CHMP6: variants seen among roughly 807,000 people sequenced by gnomAD.
The protein encoded by CHMP6 is chromatin-modifying protein 6.
Under a neutral mutation model 32.8 loss-of-function variants are expected in CHMP6, and 10 were observed. That is an observed-to-expected ratio of 0.30 (90% confidence interval 0.19 to 0.52). The LOEUF (loss-of-function observed/expected upper bound fraction) is 0.52, where lower values mean the gene tolerates loss of function less well. Among genes scored for constraint, CHMP6 ranks in the 20% least tolerant of loss-of-function variants. CHMP6 has a pLI of 0.97. For missense variants in CHMP6, 269 were observed against 263.8 expected (o/e 1.02, Z -0.14); for synonymous variants, 123 against 105.8 (o/e 1.16, Z -1.00).
intron 1 of CHMP6, among the ~76,000 whole-genome samples, chr17:80,992,363 G>C (rs922596871): frequency 6.7e-6 from 1 of 149,482 alleles, no homozygotes; most frequent in Admixed American, 6.7e-5. Flanking sequence ...GCCCGCGGGA[G>C]CAGGTCCCGG....
chr17:80,992,818 T>C lies in CHMP6; in HGVS notation c.63+837T>C, dbSNP rs2069604585. The stretch of plus-strand genomic sequence containing the variant: ...ACGTGTCACGAAAGAGACCCCGAAA[T>C]GAAAGCAGGGCTAGCTTTTTCGGAT... On this transcript the variant is annotated intron_variant, in intron 1 of 7. Coordinates refer to ENST00000325167, the MANE Select transcript of CHMP6 (RefSeq NM_024591.5). Among the ~76,000 whole-genome samples, 4 of 152,250 alleles carry C rather than the reference T, an allele frequency of 2.6e-5. No homozygotes were observed. In the South Asian group the frequency reaches 8.3e-4, roughly 31 times the overall value.
At chr17:80,995,595 C>T (rs2069630518) in intron 3 of CHMP6, 77 bp from the exon 4 acceptor site, 1 of 1,325,512 alleles carries the variant, frequency 7.5e-7, no homozygotes, top group South Asian at 1.2e-5. Context: ...AGGGTGTCAT[C>T]CTGAACCCTG....
chr17:80,995,818 G>C (rs555735085), intron 4 of CHMP6, 60 bp downstream of exon 4: 2 of 1,491,702 alleles, frequency 1.3e-6, no homozygotes, highest in East Asian at 4.5e-5. Flanking sequence ...CTGGAGCTGG[G>C]GATAGGGCGG....
chr17:80,994,550 C>G, intron 1 of CHMP6, 31 bp from the exon 2 acceptor site: 1 of 1,523,834 alleles, frequency 6.6e-7, no homozygotes, highest in Non-Finnish European at 8.8e-7. Flanking sequence ...AGTGTGGGCT[C>G]GGTGACGCCA....
chr17:80,994,025 G>A (rs1247447736), intron 1 of CHMP6, among the ~76,000 whole-genome samples: 2 of 152,082 alleles, frequency 1.3e-5, no homozygotes, highest in Non-Finnish European at 2.9e-5. Context: ...CTGTTCTCCT[G>A]CCTCAGCCTC....
chr17:80,996,003 GA>G (rs1356310646), intron 4 of CHMP6, among the ~76,000 whole-genome samples: 1 of 152,114 alleles, frequency 6.6e-6, no homozygotes, highest in Non-Finnish European at 1.5e-5. Flanking sequence ...TGAGGGTGGG[GA>G]GGGGGCTGGC....
In CHMP6 at chr17:80,991,885, C is replaced by T; in HGVS notation, c.-34C>T. ...CCGCGGGGCGGCGGTGGCGATTGGA[C>T]TTGGTGGGTCCCGGGCCAGGGGCGG... On this transcript the variant is annotated 5_prime_UTR_variant, in exon 1 of 8. Coordinates refer to ENST00000325167, the MANE Select transcript of CHMP6 (RefSeq NM_024591.5). 4 of 1,400,428 alleles carry T rather than the reference C, an allele frequency of 2.9e-6. No homozygotes were observed. Among genetic ancestry groups the T allele is most frequent in the South Asian group, 1.5e-5 (1 of 67,848 alleles). The allele number at this position is 1,400,428 out of a possible 1,614,324, so 86.8% of individuals were successfully genotyped here. A position where few individuals can be genotyped will look rare whatever the true frequency, so the allele number is the denominator to read the frequency against.
rs898749135 is a variant in CHMP6, at chr17:80,992,037, G to A, written c.63+56G>A. The stretch of plus-strand genomic sequence containing the variant: ...GGCCGGGACAGGCGACGGGGCCGGG[G>A]CGGGCGGCGGGGCCGGAAGAGCCCC... On this transcript the variant is annotated intron_variant, in intron 1 of 7. Transcript: ENST00000325167. 8 of 1,237,770 alleles carry A rather than the reference G, an allele frequency of 6.5e-6. No homozygotes were observed. In the Admixed American group the frequency reaches 3.2e-4, roughly 49 times the overall value. The allele number at this position is 1,237,770 out of a possible 1,614,324, so 76.7% of individuals were successfully genotyped here. A position where few individuals can be genotyped will look rare whatever the true frequency, so the allele number is the denominator to read the frequency against.
chr17:80,997,485 C>T (rs895598198), intron 6 of CHMP6, 144 bp downstream of exon 6: 10 of 469,618 alleles, frequency 2.1e-5, no homozygotes, highest in South Asian at 5.0e-5. Context: ...GTTTTCCTAC[C>T]TGAGGTGACT....
chr17:80,996,670 G>A (rs902494577), intron 4 of CHMP6, among the ~76,000 whole-genome samples: 1 of 152,244 alleles, frequency 6.6e-6, no homozygotes, highest in African/African-American at 2.4e-5. Flanking sequence ...CAGGGTGAGA[G>A]GGGGCATCGG....
chr17:80,992,286 G>T (rs2144143709), intron 1 of CHMP6, among the ~76,000 whole-genome samples: 1 of 152,080 alleles, frequency 6.6e-6, no homozygotes, highest in African/African-American at 2.4e-5. Flanking sequence ...CCGGCGTTCG[G>T]GGCTCGGCCA....
chr17:80,995,048 G>T lies in CHMP6; in HGVS notation c.203G>T (p.Arg68Leu). 1 of 1,601,376 alleles carries T rather than the reference G, an allele frequency of 6.2e-7. No homozygotes were observed. The highest frequency in any genetic ancestry group is 1.1e-5 in the South Asian group (1 of 88,268). Residue 68 changes from arginine (R) to leucine (L), a missense_variant, in exon 3 of 8, where the codon CGA (arginine) becomes CTA (leucine). Physicochemically the swap from Arg to Leu is moderately radical, Grantham distance 102. Transcript: ENST00000325167. ...GCCAAGCTGCTGCTCAAGAAGAAGC[G>T]ATACCAGGAGCAGCTCCTGGACAGG... ...ERAKLLLKKK[R>L]YQEQLLDRTE...
At chr17:80,992,830 T>C (rs1005784047) in intron 1 of CHMP6, among the ~76,000 whole-genome samples, 2 of 152,270 alleles carry the variant, frequency 1.3e-5, no homozygotes, top group Non-Finnish European at 2.9e-5. Context: ...AAAGCAGGGC[T>C]AGCTTTTTCG....
intron 4 of CHMP6, 150 bp downstream of exon 4, chr17:80,995,908 C>CAGGG: frequency 1.5e-6 from 1 of 662,832 alleles, no homozygotes. Flanking sequence ...GCCAGGCAGG[C>CAGGG]AGGGATGCAG....
chr17:80,995,226 G>A (rs2069627136), intron 3 of CHMP6, 120 bp downstream of exon 3: 2 of 949,920 alleles, frequency 2.1e-6, no homozygotes, highest in Admixed American at 2.4e-5. Context: ...GCCTCGGGCT[G>A]AAGCTGACCT....
In CHMP6 at chr17:80,992,100, G is replaced by C. The variant is rs2069597243; in HGVS notation, c.63+119G>C. 8 of 640,742 alleles carry C rather than the reference G, an allele frequency of 1.2e-5. No homozygotes were observed. The East Asian group carries it at 3.3e-4, about 26-fold the overall frequency. 39.7% of individuals were successfully genotyped at this position (640,742 alleles called of 1,614,324 possible). The stretch of plus-strand genomic sequence containing the variant: ...CCCCGCGTTCGGATGGGGAAACTGA[G>C]GCGCAGCGCGCAGCCGGGCCCCTCG... On this transcript the variant is annotated intron_variant, in intron 1 of 7. Transcript: ENST00000325167.
chr17:80,998,610 T>G (rs1239985974), intron 7 of CHMP6, 190 bp downstream of exon 7: 1 of 1,452,596 alleles, frequency 6.9e-7, no homozygotes. Flanking sequence ...GTTCGGTAAC[T>G]GGGCAACCTC....
intron 3 of CHMP6, among the ~76,000 whole-genome samples, 158 bp downstream of exon 3, chr17:80,995,264 G>C (rs1188848866): frequency 2.0e-5 from 3 of 152,176 alleles, no homozygotes; most frequent in African/African-American, 7.2e-5. Flanking sequence ...GAATCCCGGG[G>C]AGTCTGCCAG....
chr17:80,998,092 A>T (rs538563789), intron 6 of CHMP6, among the ~76,000 whole-genome samples: 50 of 152,270 alleles, frequency 3.3e-4, no homozygotes, highest in African/African-American at 9.9e-4. Flanking sequence ...TCTCTGGGGC[A>T]CACCCAGGAC....
Sources: allele counts gnomAD v4.1 joint callset (sites outside exome capture counted in the v4.1 genomes callset), GRCh38; gene constraint gnomAD v4.1.1; transcripts MANE v1.5; gene names NCBI Gene and HGNC (gene_info 2026-07-23, HGNC 2026-07-21).